RASA3: variants seen among roughly 807,000 people sequenced by gnomAD.
RASA3 encodes the protein ras GTPase-activating protein 3.
RASA3 carries 73 observed loss-of-function variants against 110.0 expected under a neutral mutation model. The ratio of observed to expected loss-of-function variants is 0.66; its 90% CI spans 0.55 to 0.81. RASA3 has a LOEUF of 0.81. RASA3 is among the 30% of genes least tolerant of loss of function. The pLI, the probability that RASA3 is intolerant of heterozygous loss-of-function variation, is 0.00. For synonymous variants in RASA3, 500 were observed against 451.4 expected, an observed-to-expected ratio of 1.11 and a Z score of -1.37; for missense variants, 976 against 1,113.2, an observed-to-expected ratio of 0.88 and a Z score of 1.75.
chr13:114,116,158 A>G (rs2080272845), intron 1 of RASA3, among the ~76,000 whole-genome samples: 1 of 152,200 alleles, frequency 6.6e-6, no homozygotes, highest in Admixed American at 6.5e-5. Flanking sequence ...TCAAGAAAAC[A>G]TTCTCTGGAG....
chr13:114,043,837 G>GCCCCCCCCCCCCCCCTCACTCGCTGAGCC (rs544129523), intron 3 of RASA3, among the ~76,000 whole-genome samples: 1 of 22,826 alleles, frequency 4.4e-5, no homozygotes, highest in African/African-American at 3.4e-4. Flanking sequence ...CACTCGCTGA[G>GCCCCCCCCCCCCCCCTCACTCGCTGAGCC]CCCCCCGCCC....
chr13:114,100,837 G>A (rs574449226), intron 1 of RASA3, among the ~76,000 whole-genome samples: 35 of 152,342 alleles, frequency 2.3e-4, no homozygotes, highest in Admixed American at 1.4e-3. Context: ...CTGTGTTCTC[G>A]CCACCTGGAG....
intron 1 of RASA3, among the ~76,000 whole-genome samples, chr13:114,110,839 G>C (rs1452994120): frequency 6.6e-6 from 1 of 152,194 alleles, no homozygotes; most frequent in Non-Finnish European, 1.5e-5. Flanking sequence ...TGCTTGGCTG[G>C]GGAGTGAGAA....
intron 2 of RASA3, among the ~76,000 whole-genome samples, chr13:114,062,355 G>A (rs968250487): frequency 1.2e-4 from 19 of 152,168 alleles, no homozygotes; most frequent in African/African-American, 4.3e-4. Flanking sequence ...CAGACCCACC[G>A]GGATGGCTGT....
chr13:114,099,621 CAG>C (rs1156614008), intron 1 of RASA3, among the ~76,000 whole-genome samples: 7 of 21,456 alleles, frequency 3.3e-4, no homozygotes, highest in Non-Finnish European at 5.1e-4. Context: ...GCCCCCACAG[CAG>C]CCCCCCCACA....
At chr13:114,002,507 G>A (rs1212352359) in intron 18 of RASA3, among the ~76,000 whole-genome samples, 2 of 152,196 alleles carry the variant, frequency 1.3e-5, no homozygotes, top group Non-Finnish European at 2.9e-5. Flanking sequence ...GGGGGGGACT[G>A]GGAGCTCCAC....
intron 1 of RASA3, among the ~76,000 whole-genome samples, chr13:114,113,715 C>A (rs2080246134): frequency 8.8e-5 from 2 of 22,670 alleles, no homozygotes; most frequent in Non-Finnish European, 1.5e-4. Context: ...TCAGTCCACC[C>A]ACCATGGCGA....
rs145627958 is a variant in RASA3 at position 114,041,222 on chromosome 13, C to T, written c.278-128G>A. On this transcript the variant is annotated intron_variant, in intron 3 of 23. Coordinates refer to ENST00000334062, the MANE Select transcript of RASA3 (RefSeq NM_007368.4). ...GTTTAATTCAGAATGGGGCACCGGCCGGGTGCGGGGCTCATGCCTGGAACC... is the reference window on the plus strand; with the variant it reads ...GTTTAATTCAGAATGGGGCACCGGCTGGGTGCGGGGCTCATGCCTGGAACC... 6.6e-3 allele frequency: 5,444 copies of T among 822,418 alleles called. 39 individuals carry two copies. Among genetic ancestry groups the T allele is most frequent in the Non-Finnish European group, 8.1e-3 (4,145 of 512,126 alleles). 50.9% of individuals were successfully genotyped at this position (822,418 alleles called of 1,614,324 possible). A position where few individuals can be genotyped will look rare whatever the true frequency, so the allele number is the denominator to read the frequency against.
intron 3 of RASA3, 39 bp from the exon 4 acceptor site, chr13:114,041,133 GC>G: frequency 6.4e-7 from 1 of 1,570,816 alleles, no homozygotes; most frequent in Non-Finnish European, 8.8e-7. Flanking sequence ...ACGGGCACAG[GC>G]CCCAGAGCCA....
chr13:113,992,591 G>A lies in RASA3; in HGVS notation c.2142-3C>T. On this transcript the variant is annotated splice_polypyrimidine_tract_variant and splice_region_variant and intron_variant, in intron 21 of 23. Transcript: ENST00000334062. ...GCTGGATGTTGGCTGGGAGGCCGCT[G>A]TCCAGACACAGCAAGAACAGAAAGA... 1 of 1,608,320 alleles carries A rather than the reference G, an allele frequency of 6.2e-7. No homozygotes were observed. Among genetic ancestry groups the A allele is most frequent in the South Asian group, 1.1e-5 (1 of 90,950 alleles).
Position 113,999,674 on chromosome 13 carries a change from CAG to C in RASA3, c.1850-9_1850-8del. ...CTGTAGAGAGGCTGGTCCCCTGCAG[CAG>C]AGATGGACTGTCAGTGGGTGCGGGC... On this transcript the variant is annotated splice_region_variant and splice_polypyrimidine_tract_variant and intron_variant, in intron 19 of 23. Transcript: ENST00000334062. 1 of 1,611,164 alleles carries C rather than the reference CAG, an allele frequency of 6.2e-7. No individual in the cohort carries two copies. Among genetic ancestry groups the C allele is most frequent in the Non-Finnish European group, 8.5e-7 (1 of 1,178,770 alleles).
At chr13:114,126,338 A>C (rs1594485106) in intron 1 of RASA3, among the ~76,000 whole-genome samples, 1 of 152,156 alleles carries the variant, frequency 6.6e-6, no homozygotes. Flanking sequence ...TGGCCCCTCC[A>C]GCTAACTTAT....
At chr13:114,083,592 T>C (rs1234303635) in intron 1 of RASA3, among the ~76,000 whole-genome samples, 2 of 132,112 alleles carry the variant, frequency 1.5e-5, no homozygotes, top group East Asian at 4.6e-4. Context: ...ACTCCCTTCG[T>C]CCTCGCGGGG....
chr13:114,031,279 GT>G (rs2054162437), intron 4 of RASA3, among the ~76,000 whole-genome samples: 1 of 126,194 alleles, frequency 7.9e-6, no homozygotes, highest in South Asian at 2.6e-4. Flanking sequence ...ATGAAACTGT[GT>G]GTGTCTGCCT....
chr13:114,097,214 TG>T (rs2079958238), intron 1 of RASA3, among the ~76,000 whole-genome samples: 1 of 152,238 alleles, frequency 6.6e-6, no homozygotes, highest in Admixed American at 6.5e-5. Flanking sequence ...GCGAGAGGCC[TG>T]GGTGGTCTTA....
rs1469446708 is a variant in RASA3, at chr13:114,065,149, G to C, written c.173+8571C>G. On this transcript the variant is annotated intron_variant, in intron 2 of 23. Coordinates refer to ENST00000334062, the MANE Select transcript of RASA3 (RefSeq NM_007368.4). This position sits in a 1 kb window ranked among gnomAD's most constrained non-coding sequence, Gnocchi z 4.1. ...CTGAACTGAATTCCTCCTCCTCCTG[G>C]AGCCTGGAGCAGGGGCTCAGCTGGG... Among the ~76,000 whole-genome samples the C allele has an allele frequency of 6.6e-6, 1 of 152,184 alleles. No homozygotes were observed. The highest frequency in any genetic ancestry group is 2.4e-5 in the African/African-American group (1 of 41,440).
intron 1 of RASA3, among the ~76,000 whole-genome samples, chr13:114,091,424 G>A (rs772518336): frequency 1.3e-5 from 2 of 151,714 alleles, no homozygotes; most frequent in African/African-American, 2.4e-5. Context: ...TTTGTCATGA[G>A]GGATGCTGAA....
chr13:114,016,797 G>A (rs1024400193), intron 12 of RASA3, among the ~76,000 whole-genome samples: 1 of 152,188 alleles, frequency 6.6e-6, no homozygotes, highest in Non-Finnish European at 1.5e-5. Flanking sequence ...TTACAAACCC[G>A]CTCATAAACG....
intron 2 of RASA3, among the ~76,000 whole-genome samples, chr13:114,073,074 G>A (rs1042472232): frequency 4.0e-5 from 6 of 150,288 alleles, no homozygotes; most frequent in South Asian, 2.1e-4. Context: ...CTCTACACGC[G>A]GGAAAATGGG....
Sources: gnomAD v4.1 joint callset for allele counts (sites outside exome capture counted in the v4.1 genomes callset) on GRCh38, gnomAD v4.1.1 for gene constraint, Gnocchi (gnomAD v3.1) non-coding constraint, MANE v1.5 for transcripts, NCBI Gene and HGNC (gene_info 2026-07-23, HGNC 2026-07-21) for gene names.